Variants in CTNNA3 observed in about 807,000 individuals in gnomAD.
CTNNA3 encodes the protein catenin alpha 3, also known as catenin alpha-3.
A neutral mutation model predicts 95.7 loss-of-function variants in CTNNA3; 76 were observed. The ratio of observed to expected loss-of-function variants is 0.79; its 90% CI spans 0.66 to 0.96. The LOEUF is 0.96. CTNNA3 is among the 40% of genes least tolerant of loss of function. The pLI is 0.00. For synonymous variants in CTNNA3, 431 were observed against 374.4 expected (o/e 1.15, Z -1.74); for missense variants, 1,191 against 1,089.8 (o/e 1.09, Z -1.31).
chr10:66,226,761 G>T (rs2089307818), intron 13 of CTNNA3, among the ~76,000 whole-genome samples: 1 of 151,614 alleles, frequency 6.6e-6, no homozygotes, highest in Admixed American at 6.6e-5. Context: ...TCATTGTAGA[G>T]AATTTTCAAC....
intron 3 of CTNNA3, among the ~76,000 whole-genome samples, chr10:67,597,858 G>A (rs1842972985): frequency 6.6e-6 from 1 of 152,304 alleles, no homozygotes; most frequent in East Asian, 1.9e-4. Context: ...GCAAAGTGGT[G>A]GGTGGAAGCT....
In CTNNA3 at chr10:65,920,310, C is replaced by A. The variant is rs2077061647; in HGVS notation, c.*20G>T. ...TAGGCAGGATTTTGTCATATAGGCA[C>A]TATATGTAGAATAGTGGTTTCAGTA... On this transcript the variant is annotated 3_prime_UTR_variant, in exon 18 of 18. Coordinates refer to ENST00000433211, the MANE Select transcript of CTNNA3 (RefSeq NM_013266.4). 14 of 1,602,236 alleles carry A rather than the reference C, an allele frequency of 8.7e-6. No homozygotes were observed. Among genetic ancestry groups the A allele is most frequent in the Non-Finnish European group, 1.2e-5 (14 of 1,172,176 alleles).
intron 5 of CTNNA3, among the ~76,000 whole-genome samples, chr10:67,342,060 GTA>G (rs1491306761): frequency 7.4e-6 from 1 of 135,076 alleles, no homozygotes; most frequent in Non-Finnish European, 1.6e-5. Flanking sequence ...TAGTTTCCCA[GTA>G]TATATTTTTT....
intron 5 of CTNNA3, among the ~76,000 whole-genome samples, chr10:67,264,609 G>A (rs1866744895): frequency 6.6e-6 from 1 of 152,032 alleles, no homozygotes; most frequent in Admixed American, 6.6e-5. Context: ...CTGGTCTTTG[G>A]GGAATTCCTC....
chr10:66,029,384 C>T lies in CTNNA3; in HGVS notation c.2159+39924G>A, dbSNP rs116525500. ...CTCTGACCTCATCTTTTAACACTTT[C>T]ACCTTTGCTTACTCCAGTCTCAAAG... On this transcript the variant is annotated intron_variant, in intron 15 of 17. Coordinates refer to ENST00000433211, the MANE Select transcript of CTNNA3 (RefSeq NM_013266.4). Among the ~76,000 whole-genome samples, 1,187 of 150,720 alleles carry T rather than the reference C, an allele frequency of 7.9e-3. 12 individuals are homozygous for T. The highest frequency in any genetic ancestry group is 0.027 in the African/African-American group (1,128 of 41,252).
chr10:67,489,242 T>C (rs1848565506), intron 5 of CTNNA3, among the ~76,000 whole-genome samples: 2 of 152,226 alleles, frequency 1.3e-5, no homozygotes, highest in Admixed American at 1.3e-4. Context: ...TAGTAAATTA[T>C]TTAAACTCAA....
At chr10:66,508,596 C>T (rs2131985236) in intron 11 of CTNNA3, among the ~76,000 whole-genome samples, 1 of 152,016 alleles carries the variant, frequency 6.6e-6, no homozygotes, top group East Asian at 1.9e-4. Context: ...TTAACTGTGG[C>T]TATTTTCCTT....
intron 11 of CTNNA3, among the ~76,000 whole-genome samples, chr10:66,516,996 G>C (rs925838202): frequency 2.0e-5 from 3 of 152,108 alleles, no homozygotes; most frequent in African/African-American, 7.2e-5. Context: ...GTCAAGGCGG[G>C]TGGATCACAA....
At chr10:67,436,987 G>A (rs1846325426) in intron 5 of CTNNA3, among the ~76,000 whole-genome samples, 1 of 152,102 alleles carries the variant, frequency 6.6e-6, no homozygotes, top group African/African-American at 2.4e-5. Flanking sequence ...CTACCCAGAG[G>A]AAAAGAAGTC....
chr10:66,602,392 G>A (rs925426234), intron 10 of CTNNA3, among the ~76,000 whole-genome samples: 19 of 151,932 alleles, frequency 1.3e-4, no homozygotes, highest in African/African-American at 4.3e-4. Context: ...TAAAAAAACT[G>A]TTTATGTATT....
chr10:66,857,418 A>T (rs1253733064), intron 7 of CTNNA3, among the ~76,000 whole-genome samples: 1 of 151,188 alleles, frequency 6.6e-6, no homozygotes, highest in East Asian at 1.9e-4. Context: ...CATGAACTTT[A>T]AAATAGTTTT....
intron 1 of CTNNA3, among the ~76,000 whole-genome samples, chr10:67,705,662 A>G (rs1841074070): frequency 6.8e-6 from 1 of 146,684 alleles, no homozygotes; most frequent in African/African-American, 2.5e-5. Context: ...TAGCTTTAGG[A>G]GATATACCTA....
At chr10:67,254,805 G>A (rs912362850) in intron 5 of CTNNA3, among the ~76,000 whole-genome samples, 7 of 152,280 alleles carry the variant, frequency 4.6e-5, no homozygotes, top group Middle Eastern at 3.4e-3. Flanking sequence ...ATCATGTAAC[G>A]TAGGTGGGTA....
intron 7 of CTNNA3, among the ~76,000 whole-genome samples, chr10:66,907,897 C>T (rs886231870): frequency 9.9e-5 from 15 of 152,034 alleles, no homozygotes; most frequent in African/African-American, 3.6e-4. Flanking sequence ...TAGGAACTGA[C>T]CAAAAAAATT....
chr10:67,728,742 A>C (rs1210765256), intron 1 of CTNNA3, among the ~76,000 whole-genome samples: 1 of 152,152 alleles, frequency 6.6e-6, no homozygotes, highest in Non-Finnish European at 1.5e-5. Context: ...TGTAATTATT[A>C]ATAATCACAG....
intron 7 of CTNNA3, among the ~76,000 whole-genome samples, chr10:66,783,843 C>A (rs548063539): frequency 6.6e-6 from 1 of 152,250 alleles, no homozygotes; most frequent in Admixed American, 6.5e-5. Context: ...ATTTTATTGT[C>A]TGCCATTCCT....
intron 13 of CTNNA3, among the ~76,000 whole-genome samples, chr10:66,215,861 A>G (rs1298248189): frequency 6.6e-6 from 1 of 152,208 alleles, no homozygotes; most frequent in African/African-American, 2.4e-5. Flanking sequence ...TGGCATTAAC[A>G]ATTACATTCT....
At chr10:66,311,180 G>A (rs555776689) in intron 12 of CTNNA3, among the ~76,000 whole-genome samples, 10 of 152,274 alleles carry the variant, frequency 6.6e-5, no homozygotes, top group Admixed American at 3.3e-4. Flanking sequence ...TGGAGAGCAC[G>A]TCACTAATTA....
intron 5 of CTNNA3, among the ~76,000 whole-genome samples, chr10:67,339,716 T>A (rs1286328502): frequency 6.6e-6 from 1 of 152,216 alleles, no homozygotes; most frequent in African/African-American, 2.4e-5. Context: ...AATACTCTTA[T>A]GTTGAAATAG....
Sources: allele counts gnomAD v4.1 joint callset (sites outside exome capture counted in the v4.1 genomes callset), GRCh38; gene constraint gnomAD v4.1.1; transcripts MANE v1.5; gene names NCBI Gene and HGNC (gene_info 2026-07-23, HGNC 2026-07-21).